Variants in GJC1 observed in about 807,000 individuals in gnomAD.
GJC1 encodes the protein gap junction protein gamma 1, also known as gap junction gamma-1 protein.
Under a neutral mutation model 29.3 loss-of-function variants are expected in GJC1, and 5 were observed. The observed-to-expected ratio is 0.17, with a 90% CI of 0.09 to 0.36. GJC1 has a LOEUF of 0.36. Among genes scored for constraint, GJC1 ranks in the 10% least tolerant of loss-of-function variants. GJC1 has a pLI of 1.00. For synonymous variants in GJC1, 177 were observed against 183.3 expected (o/e 0.97, Z 0.28); for missense variants, 310 against 496.2 (o/e 0.62, Z 3.56).
rs564864204 is a variant in GJC1, at chr17:44,800,539, C to T, written c.*4088G>A. On this transcript the variant is annotated 3_prime_UTR_variant, in exon 3 of 3. Transcript: ENST00000592524. ...TAGCCAAAAATGTATCATCAACTATCGATTTTATTTTCAGAAGTGGACTGT... is the reference window on the plus strand; with the variant it reads ...TAGCCAAAAATGTATCATCAACTATTGATTTTATTTTCAGAAGTGGACTGT... 3 of 152,158 alleles carry T rather than the reference C, an allele frequency of 2.0e-5. No individual in the cohort carries two copies. The highest frequency in any genetic ancestry group is 4.4e-5 in the Non-Finnish European group (3 of 68,030). 9.4% of individuals were successfully genotyped at this position (152,158 alleles called of 1,614,324 possible).
In GJC1 at chr17:44,800,103, G is replaced by A. The variant is rs1350070747; in HGVS notation, c.*4524C>T. ...AAATTTTATTTCCAAACTGCATGCAGGGACTTTATTATTACTATGAATTTT... is the reference window on the plus strand; with the variant it reads ...AAATTTTATTTCCAAACTGCATGCAAGGACTTTATTATTACTATGAATTTT... On this transcript the variant is annotated 3_prime_UTR_variant, in exon 3 of 3. Coordinates refer to ENST00000592524, the MANE Select transcript of GJC1 (RefSeq NM_005497.4). The A allele has an allele frequency of 6.6e-6, 1 of 152,022 alleles. No homozygotes were observed. Among genetic ancestry groups the A allele is most frequent in the Non-Finnish European group, 1.5e-5 (1 of 68,014 alleles). The allele number at this position is 152,022 out of a possible 1,614,324, so 9.4% of individuals were successfully genotyped here. A position where few individuals can be genotyped will look rare whatever the true frequency, so the allele number is the denominator to read the frequency against.
intron 1 of GJC1, among the ~76,000 whole-genome samples, chr17:44,829,270 C>G (rs1463997369): frequency 6.6e-6 from 1 of 152,120 alleles, no homozygotes; most frequent in African/African-American, 2.4e-5. Flanking sequence ...CATTCACGTA[C>G]ATCTTTTCAA....
chr17:44,825,087 G>T (rs558413154), intron 1 of GJC1, among the ~76,000 whole-genome samples: 2 of 148,308 alleles, frequency 1.3e-5, no homozygotes, highest in Non-Finnish European at 3.0e-5. Flanking sequence ...TGGCGGTGTG[G>T]GCCTGTGGTC....
intron 1 of GJC1, among the ~76,000 whole-genome samples, chr17:44,822,275 T>C (rs1464369950): frequency 2.0e-5 from 3 of 148,922 alleles, no homozygotes; most frequent in Non-Finnish European, 4.4e-5. Flanking sequence ...TGTACAACCA[T>C]TATGGGGGGA....
Position 44,801,607 on chromosome 17 carries a change from C to CT in GJC1, c.*3019dup, listed in dbSNP as rs577866530. On this transcript the variant is annotated 3_prime_UTR_variant, in exon 3 of 3. Transcript: ENST00000592524. ...ATCAACAGGCTCACTTTCTTTTTTT[C>CT]TTTTTTTTTTTTTGAGACAAGAGTT... is the stretch of plus-strand genomic sequence containing the variant. 2,845 of 143,650 alleles carry CT rather than the reference C, an allele frequency of 0.02. 71 individuals are homozygous for CT. Among genetic ancestry groups the CT allele is most frequent in the African/African-American group, 0.063 (2,501 of 39,534 alleles). 8.9% of individuals were successfully genotyped at this position (143,650 alleles called of 1,614,324 possible).
chr17:44,827,445 T>C (rs2050188281), intron 1 of GJC1, among the ~76,000 whole-genome samples: 1 of 152,040 alleles, frequency 6.6e-6, no homozygotes, highest in Non-Finnish European at 1.5e-5. Context: ...AAAGCATAAG[T>C]TCAGAAATAA....
rs1465354737 is a variant in GJC1, at chr17:44,803,103, A to G, written c.*1524T>C. On this transcript the variant is annotated 3_prime_UTR_variant, in exon 3 of 3. Transcript: ENST00000592524. ...GGGTGCAGTGTTCTACTATTCATCT[A>G]AATAATGGAGAACTGGCATTTTACA... is the stretch of plus-strand genomic sequence containing the variant. 6.6e-6 allele frequency: 1 copy of G among 152,184 alleles called. No homozygotes were observed. Among genetic ancestry groups the G allele is most frequent in the African/African-American group, 2.4e-5 (1 of 41,436 alleles). The allele number at this position is 152,184 out of a possible 1,614,324, so 9.4% of individuals were successfully genotyped here. A position where few individuals can be genotyped will look rare whatever the true frequency, so the allele number is the denominator to read the frequency against.
intron 1 of GJC1, among the ~76,000 whole-genome samples, chr17:44,808,382 T>G (rs2145311791): frequency 6.6e-6 from 1 of 151,264 alleles, no homozygotes; most frequent in Admixed American, 6.6e-5. Context: ...GTGGCAGTGG[T>G]GGCCACTGCA....
At chr17:44,798,417 G>A (rs746047475), downstream of GJC1, 1 of 152,112 alleles carries the variant, frequency 6.6e-6, no homozygotes, top group African/African-American at 2.4e-5. Flanking sequence ...AGTTGGTTTC[G>A]AATTCTGAGA....
At chr17:44,829,638 G>C in intron 1 of GJC1, 1 of 152,060 alleles carries the variant, frequency 6.6e-6, no homozygotes, top group Non-Finnish European at 1.5e-5. Context: ...CGAAGAGCCC[G>C]GGCGGCGAGG....
intron 1 of GJC1, among the ~76,000 whole-genome samples, chr17:44,827,134 A>T (rs1234035069): frequency 6.6e-6 from 1 of 152,056 alleles, no homozygotes; most frequent in Non-Finnish European, 1.5e-5. Context: ...ACATGGTGAA[A>T]CCCCGTCTCT....
chr17:44,821,585 T>C (rs77551221), intron 1 of GJC1, among the ~76,000 whole-genome samples: 4 of 150,014 alleles, frequency 2.7e-5, no homozygotes, highest in Admixed American at 6.7e-5. Flanking sequence ...TAATCTCAGC[T>C]ACTTGGGAGG....
intron 2 of GJC1, among the ~76,000 whole-genome samples, chr17:44,806,045 G>A (rs1372130546): frequency 2.6e-5 from 4 of 152,032 alleles, no homozygotes; most frequent in African/African-American, 7.2e-5. Flanking sequence ...AGGCCAAGGC[G>A]GGCAGATTAG....
intron 1 of GJC1, among the ~76,000 whole-genome samples, chr17:44,821,481 TGAG>T (rs2050104916): frequency 6.6e-6 from 1 of 151,344 alleles, no homozygotes; most frequent in Admixed American, 6.6e-5. Flanking sequence ...GCGGATCACC[TGAG>T]GTCAGGAGTT....
intron 1 of GJC1, among the ~76,000 whole-genome samples, chr17:44,821,697 C>CAAAAA (rs61303163): frequency 9.8e-4 from 57 of 58,352 alleles, no homozygotes; most frequent in African/African-American, 2.3e-3. Context: ...AACTCCGTCT[C>CAAAAA]AAAAAAAAAA....
chr17:44,805,442 C>G lies in GJC1; in HGVS notation c.376G>C (p.Ala126Pro), dbSNP rs1418297979. 2 of 1,614,150 alleles carry G rather than the reference C, an allele frequency of 1.2e-6. No homozygotes were observed. The highest frequency in any genetic ancestry group is 1.7e-5 in the Admixed American group (1 of 60,024). ...PYAMRWKQHR[A>P]LEETEEDNEE... ...TTGTCCTCCTCCGTTTCTTCCAGAGCCCGGTGTTGTTTCCAGCGCATTGCA... is the reference window on the plus strand; with the variant it reads ...TTGTCCTCCTCCGTTTCTTCCAGAGGCCGGTGTTGTTTCCAGCGCATTGCA... The change falls in exon 3 of 3, where the codon GCT becomes CCT. Residue 126 changes from alanine to proline, a missense_variant. By Grantham distance (27) the Ala-to-Pro change is conservative (BLOSUM62 -1). Around this residue, in one of 4 missense-constraint regions of GJC1, gnomAD observed 82 missense variants for 100.7 expected, o/e 0.81. Coordinates refer to ENST00000592524, the MANE Select transcript of GJC1 (RefSeq NM_005497.4). The surrounding 1 kb of genome is among the most constrained non-coding windows in gnomAD (Gnocchi z 5.1).
In GJC1 at chr17:44,804,903, G is replaced by A. The variant is rs1328285584; in HGVS notation, c.915C>T (p.Ser305=). 6 of 1,614,152 alleles carry A rather than the reference G, an allele frequency of 3.7e-6. No homozygotes were observed. Among genetic ancestry groups the A allele is most frequent in the Non-Finnish European group, 5.1e-6 (6 of 1,180,020 alleles). Residue 305 remains serine (S), a synonymous_variant, in exon 3 of 3, where the codon TCC becomes TCT. Transcript: ENST00000592524. ...KPDQIQYTEL[S]NAKIAYKQNK... The stretch of plus-strand genomic sequence containing the variant: ...TTTGCTTGTAGGCGATCTTAGCATT[G>A]GACAGTTCGGTGTACTGGATTTGAT...
intron 1 of GJC1, among the ~76,000 whole-genome samples, chr17:44,812,105 G>A (rs997738746): frequency 2.0e-5 from 3 of 152,022 alleles, no homozygotes; most frequent in African/African-American, 7.2e-5. Flanking sequence ...ACGAGGTCAG[G>A]AGATTGAGAC....
chr17:44,806,397 G>GTTTTT (rs1160736962), intron 2 of GJC1, among the ~76,000 whole-genome samples: 4 of 103,622 alleles, frequency 3.9e-5, no homozygotes, highest in African/African-American at 1.4e-4. Context: ...TGGTTCTTCT[G>GTTTTT]TTTGTTTTTT....
Sources: gnomAD v4.1 joint callset for allele counts (sites outside exome capture counted in the v4.1 genomes callset) on GRCh38, gnomAD v4.1.1 for gene constraint, gnomAD v4.1.1 regional missense constraint, Gnocchi (gnomAD v3.1) non-coding constraint, MANE v1.5 for transcripts, NCBI Gene and HGNC (gene_info 2026-07-23, HGNC 2026-07-21) for gene names.